The following PTPRM variants were observed in gnomAD, a reference collection of about 807,000 sequenced individuals.
PTPRM encodes the protein receptor-type tyrosine-protein phosphatase mu.
Under a neutral mutation model 186.7 loss-of-function variants are expected in PTPRM, and 47 were observed. The ratio of observed to expected loss-of-function variants is 0.25; its 90% CI spans 0.20 to 0.32. PTPRM has a LOEUF of 0.32. PTPRM is among the 10% of genes least tolerant of loss of function. PTPRM has a pLI of 1.00. For missense variants in PTPRM, 1,494 were observed against 1,865.0 expected (o/e 0.80, Z 3.66); for synonymous variants, 668 against 674.9 (o/e 0.99, Z 0.16).
At chr18:8,268,582 G>A (rs563383075) in intron 19 of PTPRM, among the ~76,000 whole-genome samples, 1 of 152,056 alleles carries the variant, frequency 6.6e-6, no homozygotes, top group East Asian at 1.9e-4. Context: ...CATTTTACAA[G>A]GCCGATATTA....
intron 22 of PTPRM, among the ~76,000 whole-genome samples, chr18:8,340,386 T>C (rs556053841): frequency 1.4e-5 from 2 of 147,426 alleles, no homozygotes; most frequent in South Asian, 4.3e-4. Flanking sequence ...TTTATTTTTG[T>C]ATCCTAATCT....
At chr18:8,201,175 G>A (rs1179227344) in intron 14 of PTPRM, among the ~76,000 whole-genome samples, 3 of 152,100 alleles carry the variant, frequency 2.0e-5, no homozygotes, top group African/African-American at 4.8e-5. Context: ...AATTAGCCAG[G>A]CATGGTGGTG....
chr18:7,770,472 A>G (rs904184502), intron 1 of PTPRM, among the ~76,000 whole-genome samples: 3 of 152,226 alleles, frequency 2.0e-5, no homozygotes, highest in Non-Finnish European at 4.4e-5. Context: ...GGCAAGAAGA[A>G]TTTAAGAACT....
chr18:7,811,214 G>A (rs2044494277), intron 2 of PTPRM, among the ~76,000 whole-genome samples: 1 of 152,202 alleles, frequency 6.6e-6, no homozygotes, highest in African/African-American at 2.4e-5. Context: ...CCTGGAACTG[G>A]TTTCCATCAG....
intron 13 of PTPRM, among the ~76,000 whole-genome samples, chr18:8,136,611 A>G (rs977088315): frequency 2.6e-5 from 4 of 152,188 alleles, no homozygotes; most frequent in African/African-American, 7.2e-5. Flanking sequence ...TAGGGACAGA[A>G]GAAGAGTTAT....
chr18:7,731,580 A>C (rs1159005820), intron 1 of PTPRM, among the ~76,000 whole-genome samples: 1 of 152,184 alleles, frequency 6.6e-6, no homozygotes, highest in Non-Finnish European at 1.5e-5. Flanking sequence ...AGTTATCTGC[A>C]ATAGTGCTGG....
intron 13 of PTPRM, among the ~76,000 whole-genome samples, chr18:8,124,896 A>G (rs1275537317): frequency 6.6e-6 from 1 of 152,054 alleles, no homozygotes; most frequent in Non-Finnish European, 1.5e-5. Flanking sequence ...TAAAAATCCT[A>G]TTTGATGCTA....
intron 1 of PTPRM, among the ~76,000 whole-genome samples, chr18:7,639,023 T>C (rs908904031): frequency 4.6e-5 from 7 of 152,206 alleles, no homozygotes; most frequent in Non-Finnish European, 8.8e-5. Flanking sequence ...TTGTAAATTT[T>C]CTTGTTTTCC....
chr18:8,357,511 G>A (rs754023410), intron 23 of PTPRM, among the ~76,000 whole-genome samples: 4 of 152,128 alleles, frequency 2.6e-5, no homozygotes, highest in Non-Finnish European at 4.4e-5. Flanking sequence ...GGCCGCAGCG[G>A]GTTCCTGCCT....
chr18:8,299,556 G>T (rs2095133203), intron 20 of PTPRM, among the ~76,000 whole-genome samples: 1 of 151,028 alleles, frequency 6.6e-6, no homozygotes, highest in Non-Finnish European at 1.5e-5. Flanking sequence ...CTGCACTCCA[G>T]CCTGGGCAAC....
chr18:7,666,580 C>T (rs538707851), intron 1 of PTPRM, among the ~76,000 whole-genome samples: 8 of 152,346 alleles, frequency 5.3e-5, no homozygotes, highest in South Asian at 2.1e-4. Context: ...TTTAATTCCA[C>T]CTCCAACAGT....
intron 11 of PTPRM, among the ~76,000 whole-genome samples, chr18:8,089,514 T>A (rs1004420142): frequency 1.2e-4 from 18 of 152,094 alleles, no homozygotes; most frequent in African/African-American, 4.3e-4. Flanking sequence ...AGCTCTGGAG[T>A]ATCAACTTGT....
chr18:8,088,854 A>G lies in PTPRM; in HGVS notation c.1856+3A>G, dbSNP rs1349001661. ...CACAGCAGAGGAGCACCTGTCAGGTATGGAACAGAGGGTTGGGCCGGCTCT... is the reference window on the plus strand; with the variant it reads ...CACAGCAGAGGAGCACCTGTCAGGTGTGGAACAGAGGGTTGGGCCGGCTCT... On this transcript the variant is annotated splice_donor_region_variant and intron_variant, in intron 11 of 32. Transcript: ENST00000580170. 1 of 1,597,566 alleles carries G rather than the reference A, an allele frequency of 6.3e-7. No homozygotes were observed.
At chr18:7,978,476 A>G (rs2055106308) in intron 7 of PTPRM, among the ~76,000 whole-genome samples, 1 of 152,242 alleles carries the variant, frequency 6.6e-6, no homozygotes, top group Non-Finnish European at 1.5e-5. Context: ...CAATTTGACC[A>G]TTAAATATGC....
At chr18:7,612,250 T>C (rs972078910) in intron 1 of PTPRM, among the ~76,000 whole-genome samples, 1 of 152,140 alleles carries the variant, frequency 6.6e-6, no homozygotes, top group Non-Finnish European at 1.5e-5. Context: ...TTACTTTTGC[T>C]CTCTTTTCTG....
At chr18:7,640,640 C>G (rs1598600381) in intron 1 of PTPRM, among the ~76,000 whole-genome samples, 1 of 151,958 alleles carries the variant, frequency 6.6e-6, no homozygotes. Context: ...TGATTGGCAG[C>G]TCCACTAGAA....
intron 7 of PTPRM, among the ~76,000 whole-genome samples, chr18:7,968,062 T>C (rs2054269509): frequency 1.0e-5 from 1 of 100,082 alleles, no homozygotes; most frequent in African/African-American, 4.7e-5. Flanking sequence ...GAGAGAAAGG[T>C]CGGGTTACCC....
chr18:7,663,877 G>A (rs1373465346), intron 1 of PTPRM, among the ~76,000 whole-genome samples: 4 of 152,160 alleles, frequency 2.6e-5, no homozygotes, highest in Non-Finnish European at 4.4e-5. Flanking sequence ...GGGACTAGCT[G>A]CCAGGTCCCT....
intron 2 of PTPRM, among the ~76,000 whole-genome samples, chr18:7,838,702 CT>C (rs113451331): frequency 4.6e-5 from 7 of 152,344 alleles, no homozygotes; most frequent in South Asian, 2.1e-4. Context: ...CCTTGGGGCT[CT>C]ACAGTCAGCA....
Sources: allele counts gnomAD v4.1 joint callset (sites outside exome capture counted in the v4.1 genomes callset), GRCh38; gene constraint gnomAD v4.1.1; transcripts MANE v1.5; gene names NCBI Gene and HGNC (gene_info 2026-07-23, HGNC 2026-07-21).